The following RNF111 variants were observed in gnomAD, a reference collection of about 807,000 sequenced individuals.
The protein encoded by RNF111 is ring finger protein 111, also known as E3 ubiquitin-protein ligase Arkadia.
In RNF111, 17 loss-of-function variants were observed where a neutral mutation model predicts 95.1. The ratio of observed to expected loss-of-function variants is 0.18; its 90% CI spans 0.12 to 0.27. The LOEUF (loss-of-function observed/expected upper bound fraction) is 0.27, where lower values mean the gene tolerates loss of function less well. RNF111 is among the 10% of genes least tolerant of loss of function. The probability of loss-of-function intolerance (pLI) is 1.00; values close to 1 mark genes in which losing one functional copy is unlikely to be tolerated. For missense variants in RNF111, 1,189 were observed against 1,210.4 expected (o/e 0.98, Z 0.26); for synonymous variants, 440 against 414.8 (o/e 1.06, Z -0.74).
At chr15:59,069,738 T>C (rs1385777652) in intron 6 of RNF111, among the ~76,000 whole-genome samples, 1 of 152,138 alleles carries the variant, frequency 6.6e-6, no homozygotes, top group East Asian at 1.9e-4. Context: ...ACTCTAAAAT[T>C]AACCAAATGC....
chr15:59,051,785 A>G (rs1203466838), intron 2 of RNF111, among the ~76,000 whole-genome samples: 1 of 73,254 alleles, frequency 1.4e-5, no homozygotes, highest in Non-Finnish European at 3.0e-5. Context: ...AAATAAATAA[A>G]TAAATAAATA....
chr15:59,061,846 C>G (rs541312377), intron 5 of RNF111, among the ~76,000 whole-genome samples: 8 of 152,226 alleles, frequency 5.3e-5, no homozygotes, highest in African/African-American at 1.7e-4. Flanking sequence ...CTCTAATGGG[C>G]TTCTGACTCC....
chr15:59,066,233 A>G (rs1467155132), intron 5 of RNF111, among the ~76,000 whole-genome samples: 1 of 152,244 alleles, frequency 6.6e-6, no homozygotes, highest in Non-Finnish European at 1.5e-5. Flanking sequence ...CACAGTAAAT[A>G]TGAGCCTCCT....
intron 1 of RNF111, among the ~76,000 whole-genome samples, chr15:59,021,591 C>G (rs2040345936): frequency 6.6e-6 from 1 of 152,142 alleles, no homozygotes; most frequent in Non-Finnish European, 1.5e-5. Context: ...TTGTTAGGTA[C>G]TCTCATTTAA....
chr15:59,074,387 A>G (rs953405557), intron 6 of RNF111, among the ~76,000 whole-genome samples: 1 of 152,352 alleles, frequency 6.6e-6, no homozygotes, highest in Admixed American at 6.5e-5. Flanking sequence ...TATTCACTGT[A>G]GCACTTTCCA....
intron 6 of RNF111, among the ~76,000 whole-genome samples, chr15:59,073,343 T>C (rs1037890845): frequency 4.6e-5 from 7 of 151,968 alleles, no homozygotes; most frequent in Non-Finnish European, 1.0e-4. Context: ...ATTAGGTGCG[T>C]GGTGGCATGC....
chr15:59,057,264 C>T (rs1454614622), intron 4 of RNF111, among the ~76,000 whole-genome samples: 11 of 152,112 alleles, frequency 7.2e-5, no homozygotes, highest in African/African-American at 2.7e-4. Context: ...GTTAGTATTG[C>T]CAAGGTTGAG....
intron 1 of RNF111, among the ~76,000 whole-genome samples, chr15:59,026,392 A>G (rs1216912314): frequency 9.1e-6 from 1 of 110,294 alleles, no homozygotes; most frequent in Non-Finnish European, 2.0e-5. Flanking sequence ...TCATCATGAC[A>G]TAGCAATGAA....
intron 13 of RNF111, among the ~76,000 whole-genome samples, chr15:59,094,371 TAATA>T (rs1265299351): frequency 2.6e-5 from 4 of 152,200 alleles, no homozygotes; most frequent in Admixed American, 6.5e-5. Flanking sequence ...TTAAATGATG[TAATA>T]AATATATATT....
rs371731101 is a variant in RNF111 at position 59,022,317 on chromosome 15, C to T, written c.-19-8487C>T. Reference sequence around the variant, plus strand: ...AGAATTTTACTTCATTCAGAGCAAGCCTTAGCTGAGATACTAAAATCATGT... The same window carrying T: ...AGAATTTTACTTCATTCAGAGCAAGTCTTAGCTGAGATACTAAAATCATGT... On this transcript the variant is annotated intron_variant, in intron 1 of 13. Coordinates refer to ENST00000348370, the MANE Select transcript of RNF111 (RefSeq NM_017610.8). Among the ~76,000 whole-genome samples the T allele has an allele frequency of 2.0e-5, 3 of 152,294 alleles. No homozygotes were observed. In the East Asian group the frequency reaches 5.8e-4, roughly 29 times the overall value.
At chr15:59,017,925 T>C (rs2040148398) in intron 1 of RNF111, among the ~76,000 whole-genome samples, 1 of 151,866 alleles carries the variant, frequency 6.6e-6, no homozygotes, top group African/African-American at 2.4e-5. Flanking sequence ...GCCCAGCTAA[T>C]TTTTTGTATT....
At chr15:59,022,233 G>C (rs755294465) in intron 1 of RNF111, among the ~76,000 whole-genome samples, 7 of 152,256 alleles carry the variant, frequency 4.6e-5, no homozygotes, top group Non-Finnish European at 8.8e-5. Context: ...TAGTGGTTTT[G>C]TCTGTTAGCT....
intron 1 of RNF111, among the ~76,000 whole-genome samples, chr15:59,013,837 G>A (rs1255327660): frequency 6.6e-6 from 1 of 151,852 alleles, no homozygotes; most frequent in Non-Finnish European, 1.5e-5. Flanking sequence ...TGCCCAGGCT[G>A]GAGTATAGTG....
chr15:59,081,501 TA>T (rs1215160351), intron 8 of RNF111, among the ~76,000 whole-genome samples: 2 of 151,006 alleles, frequency 1.3e-5, no homozygotes, highest in African/African-American at 4.9e-5. Flanking sequence ...TTTCTTTTTT[TA>T]AAAAAAGAAC....
chr15:59,096,117 A>G lies in RNF111; in HGVS notation c.*1217A>G, dbSNP rs1439479227. Reference sequence around the variant, plus strand: ...CACTGATTTAAAATTTTTAATTTCTATAGTTAAGATTTACTGCATAATATA... The same window carrying G: ...CACTGATTTAAAATTTTTAATTTCTGTAGTTAAGATTTACTGCATAATATA... On this transcript the variant is annotated 3_prime_UTR_variant, in exon 14 of 14. Transcript: ENST00000348370. The G allele has an allele frequency of 3.3e-5, 13 of 398,440 alleles. No individual in the cohort carries two copies. Among genetic ancestry groups the G allele is most frequent in the Admixed American group, 2.2e-4 (5 of 22,712 alleles). The allele number at this position is 398,440 out of a possible 1,614,324, so 24.7% of individuals were successfully genotyped here.
intron 2 of RNF111, among the ~76,000 whole-genome samples, chr15:59,046,991 C>T (rs535915790): frequency 2.0e-5 from 3 of 152,096 alleles, no homozygotes; most frequent in Non-Finnish European, 4.4e-5. Flanking sequence ...CCTCAGCCTC[C>T]GGAGTAGCTT....
chr15:59,082,584 T>G (rs2078777453), intron 8 of RNF111, among the ~76,000 whole-genome samples: 1 of 152,242 alleles, frequency 6.6e-6, no homozygotes, highest in Admixed American at 6.5e-5. Context: ...AAACAAAATT[T>G]TATTGGAAAA....
chr15:59,058,638 A>G lies in RNF111; in HGVS notation c.1366+88A>G, dbSNP rs1179908319. 6 of 1,177,746 alleles carry G rather than the reference A, an allele frequency of 5.1e-6. No homozygotes were observed. In the African/African-American group the frequency reaches 7.6e-5, roughly 15 times the overall value. 73.0% of individuals were successfully genotyped at this position (1,177,746 alleles called of 1,614,324 possible). ...TGTTTTTAAGTCTAAGATTTTAGCT[A>G]TGTTAATAAGCGGGTATTCTTACAT... On this transcript the variant is annotated intron_variant, in intron 5 of 13. Coordinates refer to ENST00000348370, the MANE Select transcript of RNF111 (RefSeq NM_017610.8).
At chr15:59,052,272 A>G in intron 2 of RNF111, 33 bp from the exon 3 acceptor site, 2 of 1,517,386 alleles carry the variant, frequency 1.3e-6, no homozygotes, top group Non-Finnish European at 1.8e-6. Context: ...TGACAGGAAG[A>G]TGCCTTTAAA....
Sources: gnomAD v4.1 joint callset for allele counts (sites outside exome capture counted in the v4.1 genomes callset) on GRCh38, gnomAD v4.1.1 for gene constraint, MANE v1.5 for transcripts, NCBI Gene and HGNC (gene_info 2026-07-23, HGNC 2026-07-21) for gene names.